RGS17: variants seen among roughly 807,000 people sequenced by gnomAD.
RGS17 encodes the protein regulator of G protein signaling 17.
RGS17 carries 12 observed loss-of-function variants against 25.5 expected under a neutral mutation model. That is an observed-to-expected ratio of 0.47 (90% CI 0.30 to 0.76). The LOEUF is 0.76. Among genes scored for constraint, RGS17 ranks in the 30% least tolerant of loss-of-function variants. RGS17 has a pLI of 0.07. For missense variants in RGS17, 196 were observed against 242.2 expected (o/e 0.81, Z 1.27); for synonymous variants, 71 against 76.9 (o/e 0.92, Z 0.40).
At chr6:153,112,727 T>A (rs1170943365) in intron 1 of RGS17, among the ~76,000 whole-genome samples, 2 of 152,198 alleles carry the variant, frequency 1.3e-5, no homozygotes, top group African/African-American at 2.4e-5. Context: ...CAGATGTCTC[T>A]GCAGAAACCC....
At chr6:153,023,795 G>A (rs1389408803) in intron 4 of RGS17, among the ~76,000 whole-genome samples, 1 of 152,084 alleles carries the variant, frequency 6.6e-6, no homozygotes, top group Non-Finnish European at 1.5e-5. Flanking sequence ...TAGTATGTAT[G>A]TGGAAAACTT....
At chr6:153,054,978 C>T (rs1271122311) in intron 1 of RGS17, among the ~76,000 whole-genome samples, 1 of 152,176 alleles carries the variant, frequency 6.6e-6, no homozygotes, top group African/African-American at 2.4e-5. Flanking sequence ...TCTGGACCGC[C>T]CAGCAAGCAA....
Position 153,011,383 on chromosome 6 carries a change from G to C in RGS17, c.*191C>G. 1 of 562,130 alleles carries C rather than the reference G, an allele frequency of 1.8e-6. No homozygotes were observed. Among genetic ancestry groups the C allele is most frequent in the Non-Finnish European group, 3.1e-6 (1 of 320,618 alleles). 34.8% of individuals were successfully genotyped at this position (562,130 alleles called of 1,614,324 possible). A position where few individuals can be genotyped will look rare whatever the true frequency, so the allele number is the denominator to read the frequency against. On this transcript the variant is annotated 3_prime_UTR_variant, in exon 5 of 5. Transcript: ENST00000206262. ...AAACAATTTGGCAATTCATTGTTTT[G>C]TGTGGTATTTTCTCCAAACTTAACC...
Position 153,084,012 on chromosome 6 carries a change from G to C in RGS17, c.-25-39969C>G, listed in dbSNP as rs75011805. 8.1e-3 allele frequency among the ~76,000 whole-genome samples: 1,240 copies of C among 152,294 alleles called. 22 individuals carry two copies. Among genetic ancestry groups the C allele is most frequent in the African/African-American group, 0.028 (1,181 of 41,562 alleles). ...CATTCAGGTGTGACAGGTGGCCTCA[G>C]GCTGTCAGCATGTAGTGATGAATAA... is the stretch of plus-strand genomic sequence containing the variant. On this transcript the variant is annotated intron_variant, in intron 1 of 4. Transcript: ENST00000206262.
chr6:153,115,320 T>C (rs924515236), intron 1 of RGS17, among the ~76,000 whole-genome samples: 2 of 152,290 alleles, frequency 1.3e-5, no homozygotes, highest in East Asian at 1.9e-4. Context: ...ATGAGTGTAC[T>C]CCCATTCACA....
intron 1 of RGS17, among the ~76,000 whole-genome samples, chr6:153,113,881 T>A (rs771027787): frequency 6.6e-6 from 1 of 152,036 alleles, no homozygotes; most frequent in Non-Finnish European, 1.5e-5. Context: ...TTGAAACCAA[T>A]GAGAACAAAG....
chr6:153,066,345 CAA>C (rs996948373), intron 1 of RGS17, among the ~76,000 whole-genome samples: 40 of 152,118 alleles, frequency 2.6e-4, no homozygotes, highest in African/African-American at 8.7e-4. Flanking sequence ...GTAACAAGAT[CAA>C]AGTCATAATA....
intron 1 of RGS17, among the ~76,000 whole-genome samples, chr6:153,110,827 G>A (rs1001290586): frequency 6.6e-5 from 10 of 152,180 alleles, no homozygotes; most frequent in East Asian, 3.9e-4. Context: ...CCAGGGAAGC[G>A]CAAGCGGTTG....
chr6:153,078,787 A>C (rs1320043549), intron 1 of RGS17, among the ~76,000 whole-genome samples: 1 of 152,054 alleles, frequency 6.6e-6, no homozygotes, highest in African/African-American at 2.4e-5. Flanking sequence ...ATTTATCTAT[A>C]TATATTTCAG....
At chr6:153,044,706 G>T (rs1338070) in intron 1 of RGS17, among the ~76,000 whole-genome samples, 58,045 of 151,582 alleles carry the variant, frequency 0.38, 11,749 homozygotes, top group East Asian at 0.62. Flanking sequence ...AGAGTTGGGG[G>T]AAAATAAAAG....
chr6:153,123,069 A>G (rs1777660046), intron 1 of RGS17, among the ~76,000 whole-genome samples: 1 of 149,268 alleles, frequency 6.7e-6, no homozygotes, highest in African/African-American at 2.5e-5. Context: ...TAATACTCCA[A>G]TTCACAACAC....
intron 1 of RGS17, among the ~76,000 whole-genome samples, chr6:153,101,027 C>T (rs1200749942): frequency 6.6e-6 from 1 of 152,142 alleles, no homozygotes; most frequent in Non-Finnish European, 1.5e-5. Context: ...CTACCAGATT[C>T]ACAAATCAAT....
At chr6:153,100,376 C>T (rs923404264) in intron 1 of RGS17, among the ~76,000 whole-genome samples, 4 of 152,066 alleles carry the variant, frequency 2.6e-5, no homozygotes, top group African/African-American at 9.7e-5. Flanking sequence ...CATAATTCTC[C>T]GTATCAACCT....
chr6:153,070,670 A>G (rs1389917595), intron 1 of RGS17, among the ~76,000 whole-genome samples: 2 of 62,530 alleles, frequency 3.2e-5, no homozygotes, highest in Non-Finnish European at 6.4e-5. Context: ...ACCACATGGA[A>G]GATTGTGTGT....
In RGS17 at chr6:153,054,114, G is replaced by GTA. The variant is rs1419620702; in HGVS notation, c.-25-10072_-25-10071insTA. Reference sequence around the variant, plus strand: ...TTTTTATATATATATATATATATATGTGTATATATATATATATACAGCTTT... The same window carrying GTA: ...TTTTTATATATATATATATATATATGTATGTATATATATATATATACAGCTTT... On this transcript the variant is annotated intron_variant, in intron 1 of 4. Coordinates refer to ENST00000206262, the MANE Select transcript of RGS17 (RefSeq NM_012419.5). Among the ~76,000 whole-genome samples, 25 of 48,530 alleles carry GTA rather than the reference G, an allele frequency of 5.2e-4. 3 individuals are homozygous for GTA. Among genetic ancestry groups the GTA allele is most frequent in the African/African-American group, 8.6e-4 (11 of 12,812 alleles). The allele number at this position is 48,530 out of a possible 152,430, so 31.8% of individuals were successfully genotyped here.
rs1779082933 is a variant in RGS17, at chr6:153,006,976, A to G, written c.*4598T>C. Reference sequence around the variant, plus strand: ...CCTTACTCATCTTATAGCTTTTGTCATAGGAAGAAAATCAGTTCCCAAACT... The same window carrying G: ...CCTTACTCATCTTATAGCTTTTGTCGTAGGAAGAAAATCAGTTCCCAAACT... On this transcript the variant is annotated 3_prime_UTR_variant, in exon 5 of 5. Coordinates refer to ENST00000206262, the MANE Select transcript of RGS17 (RefSeq NM_012419.5). 1 of 152,214 alleles carries G rather than the reference A, an allele frequency of 6.6e-6. No homozygotes were observed. Among genetic ancestry groups the G allele is most frequent in the Non-Finnish European group, 1.5e-5 (1 of 68,042 alleles). 9.4% of individuals were successfully genotyped at this position (152,214 alleles called of 1,614,324 possible).
chr6:153,020,121 T>A (rs1408395826), intron 4 of RGS17, among the ~76,000 whole-genome samples: 1 of 88,598 alleles, frequency 1.1e-5, no homozygotes, highest in African/African-American at 4.7e-5. Context: ...AATATATATA[T>A]ATATATATAT....
chr6:153,061,295 T>G (rs1350674539), intron 1 of RGS17, among the ~76,000 whole-genome samples: 1 of 152,222 alleles, frequency 6.6e-6, no homozygotes, highest in Admixed American at 6.5e-5. Context: ...AGAATGGCCC[T>G]ATTACATTCA....
At chr6:153,070,179 T>C (rs987076738) in intron 1 of RGS17, among the ~76,000 whole-genome samples, 2 of 152,070 alleles carry the variant, frequency 1.3e-5, no homozygotes, top group Admixed American at 6.6e-5. Context: ...TAAAGTACTC[T>C]CTGATATACA....
Sources: allele counts gnomAD v4.1 joint callset (sites outside exome capture counted in the v4.1 genomes callset), GRCh38; gene constraint gnomAD v4.1.1; transcripts MANE v1.5; gene names NCBI Gene and HGNC (gene_info 2026-07-23, HGNC 2026-07-21).